Variants in TMEM132D observed in about 807,000 individuals in gnomAD.
TMEM132D encodes mature OL transmembrane protein.
Under a neutral mutation model 62.3 loss-of-function variants are expected in TMEM132D, and 21 were observed. The observed-to-expected ratio is 0.34, with a 90% confidence interval of 0.24 to 0.49. The LOEUF (loss-of-function observed/expected upper bound fraction) is 0.49. Among genes scored for constraint, TMEM132D ranks in the 20% least tolerant of loss-of-function variants. TMEM132D has a pLI of 0.99. For missense variants in TMEM132D, 1,346 were observed against 1,402.8 expected (o/e 0.96, Z 0.65); for synonymous variants, 621 against 575.6 (o/e 1.08, Z -1.13).
chr12:129,253,399 G>A (rs1880321061), intron 4 of TMEM132D, among the ~76,000 whole-genome samples: 1 of 152,080 alleles, frequency 6.6e-6, no homozygotes, highest in South Asian at 2.1e-4. Context: ...TGAGCACTAT[G>A]AGCTCATTCA....
At chr12:129,596,669 T>A (rs1451912533) in intron 2 of TMEM132D, among the ~76,000 whole-genome samples, 1 of 152,166 alleles carries the variant, frequency 6.6e-6, no homozygotes, top group African/African-American at 2.4e-5. Context: ...ATTGTATAGT[T>A]TAGAGAATAA....
chr12:129,720,099 AT>A (rs1868765047), intron 1 of TMEM132D, among the ~76,000 whole-genome samples: 1 of 152,226 alleles, frequency 6.6e-6, no homozygotes, highest in Non-Finnish European at 1.5e-5. Context: ...ACACACCATT[AT>A]TTAGAAATGT....
chr12:129,549,821 T>C (rs1876843785), intron 2 of TMEM132D, among the ~76,000 whole-genome samples: 1 of 152,208 alleles, frequency 6.6e-6, no homozygotes, highest in Admixed American at 6.5e-5. Flanking sequence ...CTTGTGACCG[T>C]AAATGTTCTC....
At chr12:129,175,312 T>C (rs918805139) in intron 5 of TMEM132D, among the ~76,000 whole-genome samples, 5 of 152,024 alleles carry the variant, frequency 3.3e-5, no homozygotes, top group African/African-American at 1.2e-4. Flanking sequence ...TTTTCAAGAG[T>C]GATGTGGTAC....
At chr12:129,110,856 C>T (rs1321250385) in intron 5 of TMEM132D, 2 of 152,308 alleles carry the variant, frequency 1.3e-5, no homozygotes, top group East Asian at 1.9e-4. Flanking sequence ...AGCCGGTGCT[C>T]TCCCTACCCA....
intron 2 of TMEM132D, among the ~76,000 whole-genome samples, chr12:129,544,261 C>A (rs1876672187): frequency 6.6e-6 from 1 of 152,062 alleles, no homozygotes; most frequent in South Asian, 2.1e-4. Flanking sequence ...TTGTCCATTT[C>A]CCTGTTGCTT....
chr12:129,222,848 T>C (rs986027532), intron 4 of TMEM132D, among the ~76,000 whole-genome samples: 5 of 152,148 alleles, frequency 3.3e-5, no homozygotes, highest in African/African-American at 9.7e-5. Flanking sequence ...ATGTTTAGTA[T>C]AGTTAATAAT....
chr12:129,780,152 C>G (rs917007783), intron 1 of TMEM132D, among the ~76,000 whole-genome samples: 1 of 152,084 alleles, frequency 6.6e-6, no homozygotes, highest in African/African-American at 2.4e-5. Context: ...CATCCAAGCC[C>G]GAGCACCGGT....
chr12:129,268,922 A>G (rs529522186), intron 4 of TMEM132D, among the ~76,000 whole-genome samples: 1 of 151,630 alleles, frequency 6.6e-6, no homozygotes, highest in Admixed American at 6.6e-5. Flanking sequence ...CGCAAGGACA[A>G]AAAACCAAAC....
rs149435718 is a variant in TMEM132D at position 129,292,430 on chromosome 12, A to C, written c.1299+45204T>G. On this transcript the variant is annotated intron_variant, in intron 4 of 8. Transcript: ENST00000422113. ...CTATGCAAGCCCTTCATTGCTAATC[A>C]AATCACACCCATGAGCGCAAATGAG... Among the ~76,000 whole-genome samples, 769 of 152,340 alleles carry C rather than the reference A, an allele frequency of 5.0e-3. 8 individuals carry two copies. The highest frequency in any genetic ancestry group is 0.017 in the African/African-American group (719 of 41,574).
chr12:129,726,598 A>G (rs1869046347), intron 1 of TMEM132D, among the ~76,000 whole-genome samples: 1 of 152,214 alleles, frequency 6.6e-6, no homozygotes, highest in African/African-American at 2.4e-5. Flanking sequence ...TTATAGAGCC[A>G]GAGAGTGAAG....
At chr12:129,466,791 C>T (rs113022149) in intron 3 of TMEM132D, among the ~76,000 whole-genome samples, 19 of 152,212 alleles carry the variant, frequency 1.2e-4, no homozygotes, top group Non-Finnish European at 2.4e-4. Flanking sequence ...CTTGAATGCT[C>T]TTTCCATCCT....
intron 4 of TMEM132D, among the ~76,000 whole-genome samples, chr12:129,285,331 C>A (rs551592527): frequency 1.1e-4 from 16 of 147,204 alleles, no homozygotes; most frequent in Non-Finnish European, 3.0e-5. Flanking sequence ...CCAGCCTGGC[C>A]AACATAGTGA....
intron 3 of TMEM132D, among the ~76,000 whole-genome samples, chr12:129,368,888 G>A (rs951492501): frequency 9.2e-5 from 14 of 152,146 alleles, no homozygotes; most frequent in African/African-American, 3.1e-4. Context: ...CTGATAAAGA[G>A]GTGCAGTTTT....
chr12:129,899,518 GTGGATGGA>G (rs764141541), intron 1 of TMEM132D, among the ~76,000 whole-genome samples: 28 of 151,718 alleles, frequency 1.8e-4, no homozygotes, highest in Non-Finnish European at 3.8e-4. Flanking sequence ...GAATGAACGG[GTGGATGGA>G]TGGGTGGATG....
chr12:129,507,208 T>C (rs1439475993), intron 3 of TMEM132D, among the ~76,000 whole-genome samples: 1 of 151,916 alleles, frequency 6.6e-6, no homozygotes, highest in East Asian at 1.9e-4. Flanking sequence ...AAAAAATAAA[T>C]AATAGATGTT....
intron 3 of TMEM132D, among the ~76,000 whole-genome samples, chr12:129,357,881 G>C (rs928555112): frequency 2.0e-5 from 3 of 152,120 alleles, no homozygotes; most frequent in Admixed American, 6.5e-5. Flanking sequence ...TCCCATTCCC[G>C]CCTTGACATC....
intron 4 of TMEM132D, among the ~76,000 whole-genome samples, chr12:129,330,220 A>T (rs1013484598): frequency 2.6e-5 from 4 of 152,128 alleles, no homozygotes; most frequent in African/African-American, 9.7e-5. Flanking sequence ...GCTTAGCTTC[A>T]CCTGTAGTTA....
intron 2 of TMEM132D, among the ~76,000 whole-genome samples, chr12:129,628,868 C>G (rs1879285923): frequency 6.6e-6 from 1 of 152,070 alleles, no homozygotes; most frequent in Non-Finnish European, 1.5e-5. Flanking sequence ...AGTTTCCTGT[C>G]CTTCTCCTAC....
Sources: allele counts gnomAD v4.1 joint callset (sites outside exome capture counted in the v4.1 genomes callset), GRCh38; gene constraint gnomAD v4.1.1; transcripts MANE v1.5; gene names NCBI Gene and HGNC (gene_info 2026-07-23, HGNC 2026-07-21).